BCL11B: variants seen among roughly 807,000 people sequenced by gnomAD.
BCL11B encodes B-cell lymphoma/leukemia 11B.
Under a neutral mutation model 49.9 loss-of-function variants are expected in BCL11B, and 8 were observed. That is an observed-to-expected ratio of 0.16 (90% CI 0.09 to 0.29). BCL11B has a LOEUF of 0.29. Ranked by LOEUF, BCL11B falls within the 10% of genes least tolerant of loss-of-function variation. The probability of loss-of-function intolerance (pLI) is 1.00; values close to 1 mark genes in which losing one functional copy is unlikely to be tolerated. For missense variants in BCL11B, 1,006 were observed against 1,351.0 expected, an observed-to-expected ratio of 0.74 and a Z score of 4.00; for synonymous variants, 739 against 637.4, an observed-to-expected ratio of 1.16 and a Z score of -2.40.
intron 3 of BCL11B, among the ~76,000 whole-genome samples, chr14:99,186,050 T>G (rs112670976): frequency 2.0e-5 from 3 of 152,290 alleles, no homozygotes; most frequent in African/African-American, 7.2e-5. Flanking sequence ...TCATGGAGCA[T>G]AAAGTCTAGA....
Position 99,231,332 on chromosome 14 carries a change from C to G in BCL11B, c.640+13G>C. ...CCCGGGGGCCCGCCCCCCACCGCGG[C>G]GTCGTCTGTTACCTGACAACTGACA... is the stretch of plus-strand genomic sequence containing the variant. On this transcript the variant is annotated intron_variant, in intron 3 of 3. Transcript: ENST00000357195. The surrounding 1 kb of genome is among the most constrained non-coding windows in gnomAD (Gnocchi z 8.1). The G allele has an allele frequency of 1.9e-6, 3 of 1,608,020 alleles. No homozygotes were observed. The highest frequency in any genetic ancestry group is 2.5e-6 in the Non-Finnish European group (3 of 1,178,136).
Position 99,244,302 on chromosome 14 carries a change from C to T in BCL11B, c.428-12745G>A, listed in dbSNP as rs551593338. ...AAAACATGAACAATTACCCCCCCCTCACACACACACACACCCCTAGTCTCC... is the reference window on the plus strand; with the variant it reads ...AAAACATGAACAATTACCCCCCCCTTACACACACACACACCCCTAGTCTCC... On this transcript the variant is annotated intron_variant, in intron 2 of 3. Coordinates refer to ENST00000357195, the MANE Select transcript of BCL11B (RefSeq NM_138576.4). Among the ~76,000 whole-genome samples, 9 of 146,618 alleles carry T rather than the reference C, an allele frequency of 6.1e-5. No individual in the cohort carries two copies. The East Asian group carries it at 1.4e-3, about 22-fold the overall frequency.
chr14:99,251,202 T>C (rs935784900), intron 2 of BCL11B, among the ~76,000 whole-genome samples: 2 of 152,346 alleles, frequency 1.3e-5, no homozygotes, highest in Non-Finnish European at 2.9e-5. Flanking sequence ...ACTAGTTATG[T>C]AAGTTCAGAC....
In BCL11B at chr14:99,246,443, A is replaced by C. The variant is rs1187119533; in HGVS notation, c.427+11028T>G. 2.0e-5 allele frequency among the ~76,000 whole-genome samples: 3 copies of C among 152,336 alleles called. No individual in the cohort carries two copies. In the East Asian group the frequency reaches 5.8e-4, roughly 30 times the overall value. ...GTGGGCGAATCAGAGGCCGGCGGCC[A>C]GGCGGGGGCCAGGCGCGCCCGCAGG... On this transcript the variant is annotated intron_variant, in intron 2 of 3. Coordinates refer to ENST00000357195, the MANE Select transcript of BCL11B (RefSeq NM_138576.4).
chr14:99,263,843 G>GA (rs1889406870), intron 1 of BCL11B, among the ~76,000 whole-genome samples: 2 of 151,976 alleles, frequency 1.3e-5, no homozygotes, highest in African/African-American at 4.8e-5. Flanking sequence ...CACAAGAGCA[G>GA]AAAAAAGAAC....
intron 3 of BCL11B, among the ~76,000 whole-genome samples, chr14:99,223,205 G>GA (rs1367249177): frequency 6.6e-6 from 1 of 152,208 alleles, no homozygotes; most frequent in Non-Finnish European, 1.5e-5. Context: ...CTGTATTCTA[G>GA]AAAAATAATA....
rs1889195249 is a variant in BCL11B, at chr14:99,257,348, C to T, written c.427+123G>A. 3.1e-6 allele frequency: 4 copies of T among 1,307,568 alleles called. No homozygotes were observed. The highest frequency in any genetic ancestry group is 4.1e-6 in the Non-Finnish European group (4 of 981,174). 81.0% of individuals were successfully genotyped at this position (1,307,568 alleles called of 1,614,324 possible). A position where few individuals can be genotyped will look rare whatever the true frequency, so the allele number is the denominator to read the frequency against. ...GACCCTCAGAAAGGGGGAGCCCCGG[C>T]TGGTGGCCCAGAGGCCATCCTGGAA... On this transcript the variant is annotated intron_variant, in intron 2 of 3. Transcript: ENST00000357195. The surrounding 1 kb of genome is among the most constrained non-coding windows in gnomAD (Gnocchi z 6.2).
At chr14:99,211,413 T>A (rs1887684271) in intron 3 of BCL11B, among the ~76,000 whole-genome samples, 1 of 152,188 alleles carries the variant, frequency 6.6e-6, no homozygotes, top group African/African-American at 2.4e-5. Context: ...GGCCTGTGCC[T>A]TTTGCTGTTC....
intron 3 of BCL11B, among the ~76,000 whole-genome samples, chr14:99,229,070 G>GGATGGATGGATGGATGGATGGATA (rs1888246831): frequency 3.3e-4 from 50 of 149,272 alleles, no homozygotes; most frequent in African/African-American, 1.2e-3. Context: ...ATGGATGGAT[G>GGATGGATGGATGGATGGATGGATA]GATGGATGGA....
In BCL11B at chr14:99,174,937, C is replaced by G. The variant is rs756802485; in HGVS notation, c.1899G>C (p.Ala633=). Residue 633 remains alanine, a synonymous_variant, in exon 4 of 4, where the codon GCG becomes GCC. Coordinates refer to ENST00000357195, the MANE Select transcript of BCL11B (RefSeq NM_138576.4). The part of the protein sequence containing the change: ...FLKRAAGGGD[A]GDDDDAGGCG... The stretch of plus-strand genomic sequence containing the variant: ...AGCCGCCCGCGTCGTCGTCGTCGCC[C>G]GCGTCCCCGCCGCCCGCCGCACGCT... The G allele has an allele frequency of 7.2e-7, 1 of 1,382,686 alleles. No homozygotes were observed. The highest frequency in any genetic ancestry group is 9.4e-7 in the Non-Finnish European group (1 of 1,066,932). 85.7% of individuals were successfully genotyped at this position (1,382,686 alleles called of 1,614,324 possible).
chr14:99,198,881 T>C (rs1887258734), intron 3 of BCL11B, among the ~76,000 whole-genome samples: 1 of 152,136 alleles, frequency 6.6e-6, no homozygotes, highest in Non-Finnish European at 1.5e-5. Context: ...TCCGACTCTC[T>C]GCATTCCTCC....
chr14:99,196,810 G>A (rs139164066), intron 3 of BCL11B, among the ~76,000 whole-genome samples: 1 of 152,248 alleles, frequency 6.6e-6, no homozygotes, highest in Non-Finnish European at 1.5e-5. Context: ...TGCTTGCCAA[G>A]GCTGTGTGAT....
intron 3 of BCL11B, among the ~76,000 whole-genome samples, chr14:99,220,799 C>G (rs183552085): frequency 1.1e-4 from 17 of 152,282 alleles, no homozygotes; most frequent in African/African-American, 3.6e-4. Context: ...TGGAGATACA[C>G]AGAAAGCCCA....
chr14:99,259,441 C>A (rs183018197), intron 1 of BCL11B, among the ~76,000 whole-genome samples: 81 of 152,288 alleles, frequency 5.3e-4, no homozygotes, highest in Non-Finnish European at 1.1e-3. Context: ...ACAGAATATA[C>A]GACGATGTAA....
chr14:99,183,468 G>A lies in BCL11B; in HGVS notation c.641-7273C>T, dbSNP rs541147941. Among the ~76,000 whole-genome samples, 18 of 152,132 alleles carry A rather than the reference G, an allele frequency of 1.2e-4. No individual in the cohort carries two copies. In the South Asian group the frequency reaches 1.9e-3, roughly 16 times the overall value. ...AGGACTGCCAGCGGCCGAGACATCCGACAGACCAGGAGTCTTCTCAGCCTC... is the reference window on the plus strand; with the variant it reads ...AGGACTGCCAGCGGCCGAGACATCCAACAGACCAGGAGTCTTCTCAGCCTC... On this transcript the variant is annotated intron_variant, in intron 3 of 3. Transcript: ENST00000357195.
intron 1 of BCL11B, among the ~76,000 whole-genome samples, chr14:99,267,867 C>T (rs1398253782): frequency 6.6e-6 from 1 of 152,164 alleles, no homozygotes; most frequent in Non-Finnish European, 1.5e-5. Flanking sequence ...GAGAAAATCA[C>T]CTTGACTGGG....
At chr14:99,216,005 G>C (rs1566814023) in intron 3 of BCL11B, among the ~76,000 whole-genome samples, 1 of 152,196 alleles carries the variant, frequency 6.6e-6, no homozygotes, top group Non-Finnish European at 1.5e-5. Flanking sequence ...CCTCCGCCCA[G>C]GGAAGCGGCA....
chr14:99,175,477 C>T lies in BCL11B; in HGVS notation c.1359G>A (p.Lys453=), dbSNP rs769288256. 29 of 1,611,286 alleles carry T rather than the reference C, an allele frequency of 1.8e-5. No individual in the cohort carries two copies. In the African/African-American group the frequency reaches 2.8e-4, roughly 16 times the overall value. Residue 453 remains lysine (K), a synonymous_variant, in exon 4 of 4, where the codon AAG becomes AAA. Coordinates refer to ENST00000357195, the MANE Select transcript of BCL11B (RefSeq NM_138576.4). ...IVHRRSHTGE[K]PYKCQLCDHA... is the part of the protein sequence containing the mutation. The stretch of plus-strand genomic sequence containing the variant: ...GGTCGCACAGCTGGCACTTGTAGGG[C>T]TTCTCGCCCGTGTGACTGCGCCGGT...
chr14:99,178,650 C>A (rs1198759315), intron 3 of BCL11B, among the ~76,000 whole-genome samples: 4 of 152,188 alleles, frequency 2.6e-5, no homozygotes, highest in Admixed American at 6.5e-5. Context: ...TTAGACGACT[C>A]CTCACACCCT....
Sources: gnomAD v4.1 joint callset for allele counts (sites outside exome capture counted in the v4.1 genomes callset) on GRCh38, gnomAD v4.1.1 for gene constraint, Gnocchi (gnomAD v3.1) non-coding constraint, MANE v1.5 for transcripts, NCBI Gene and HGNC (gene_info 2026-07-23, HGNC 2026-07-21) for gene names.